The following PRDM16 variants were observed in gnomAD, a reference collection of about 807,000 sequenced individuals.
PRDM16 encodes the protein histone-lysine N-methyltransferase PRDM16.
Under a neutral mutation model 110.6 loss-of-function variants are expected in PRDM16, and 23 were observed. That is an observed-to-expected ratio of 0.21 (90% CI 0.15 to 0.29). The LOEUF is 0.29. Ranked by LOEUF, PRDM16 falls within the 10% of genes least tolerant of loss-of-function variation. The pLI is 1.00. For missense variants in PRDM16, 1,615 were observed against 1,794.3 expected (o/e 0.90, Z 1.81); for synonymous variants, 799 against 781.8 (o/e 1.02, Z -0.37).
chr1:3,356,960 G>C (rs904782880), intron 3 of PRDM16, among the ~76,000 whole-genome samples: 1 of 152,180 alleles, frequency 6.6e-6, no homozygotes, highest in African/African-American at 2.4e-5. Context: ...CACAGACCCT[G>C]GAGCAAACAC....
intron 2 of PRDM16, among the ~76,000 whole-genome samples, chr1:3,229,059 C>T (rs568355706): frequency 1.9e-4 from 29 of 152,380 alleles, no homozygotes; most frequent in African/African-American, 6.7e-4. Flanking sequence ...AATGCCTTCG[C>T]AGGCGGGAAG....
Position 3,425,376 on chromosome 1 carries a change from A to G in PRDM16, c.2940-205A>G, listed in dbSNP as rs1638571701. 1.8e-6 allele frequency: 1 copy of G among 547,182 alleles called. No individual in the cohort carries two copies. Among genetic ancestry groups the G allele is most frequent in the Non-Finnish European group, 3.2e-6 (1 of 309,656 alleles). The allele number at this position is 547,182 out of a possible 1,614,324, so 33.9% of individuals were successfully genotyped here. On this transcript the variant is annotated intron_variant, in intron 12 of 16. Coordinates refer to ENST00000270722, the MANE Select transcript of PRDM16 (RefSeq NM_022114.4). This position sits in a 1 kb window ranked among gnomAD's most constrained non-coding sequence, Gnocchi z 6.9. ...TATAGGCGTGAACCCCTGCTTCTTG[A>G]AGCCGGGGCTGTTTCTAGGGACAGC...
chr1:3,420,191 T>C (rs1010074808), intron 12 of PRDM16, among the ~76,000 whole-genome samples: 1 of 152,226 alleles, frequency 6.6e-6, no homozygotes, highest in African/African-American at 2.4e-5. Context: ...CAAGTTTGTG[T>C]TGCAAATCCT....
rs1022135847 is a variant in PRDM16 at position 3,359,000 on chromosome 1, T to C, written c.439-26152T>C. 1.3e-5 allele frequency among the ~76,000 whole-genome samples: 2 copies of C among 152,210 alleles called. No individual in the cohort carries two copies. The highest frequency in any genetic ancestry group is 4.8e-5 in the African/African-American group (2 of 41,448). ...TCATCTTGGGTCGCATTACAGCCAGTTGACTCGCGGAGTCCTCACTGGCCA... is the reference window on the plus strand; with the variant it reads ...TCATCTTGGGTCGCATTACAGCCAGCTGACTCGCGGAGTCCTCACTGGCCA... On this transcript the variant is annotated intron_variant, in intron 3 of 16. Coordinates refer to ENST00000270722, the MANE Select transcript of PRDM16 (RefSeq NM_022114.4). The surrounding 1 kb of genome is among the most constrained non-coding windows in gnomAD (Gnocchi z 4.0).
At chr1:3,145,865 T>A (rs1380084894) in intron 1 of PRDM16, among the ~76,000 whole-genome samples, 1 of 152,206 alleles carries the variant, frequency 6.6e-6, no homozygotes, top group Non-Finnish European at 1.5e-5. Flanking sequence ...TCTGACTCTG[T>A]ATCGCCCCAG....
chr1:3,304,881 A>G (rs1413156082), intron 3 of PRDM16, among the ~76,000 whole-genome samples: 2 of 152,080 alleles, frequency 1.3e-5, no homozygotes, highest in African/African-American at 4.8e-5. Flanking sequence ...GTGGCCTCCC[A>G]GGTGGACCCT....
At chr1:3,391,886 C>T (rs1263132999) in intron 4 of PRDM16, among the ~76,000 whole-genome samples, 6 of 152,250 alleles carry the variant, frequency 3.9e-5, no homozygotes, top group East Asian at 3.8e-4. Context: ...CAAACCCCAG[C>T]GCTGCAAATC....
chr1:3,117,427 G>A (rs1301399893), intron 1 of PRDM16, among the ~76,000 whole-genome samples: 1 of 152,122 alleles, frequency 6.6e-6, no homozygotes, highest in Non-Finnish European at 1.5e-5. Flanking sequence ...GAACGCAGGG[G>A]GAAGGAACAC....
chr1:3,366,567 A>T (rs1642820209), intron 3 of PRDM16, among the ~76,000 whole-genome samples: 1 of 152,186 alleles, frequency 6.6e-6, no homozygotes, highest in Admixed American at 6.5e-5. Context: ...ATCAATTCAG[A>T]AAGGGGCTAG....
intron 10 of PRDM16, among the ~76,000 whole-genome samples, chr1:3,415,699 G>T (rs1345929785): frequency 6.6e-6 from 1 of 152,268 alleles, no homozygotes; most frequent in African/African-American, 2.4e-5. Flanking sequence ...AGGGAGCCCA[G>T]CGGGGGGCAG....
chr1:3,181,834 T>TACACGCG lies in PRDM16; in HGVS notation c.38-4291_38-4290insACACGCG, dbSNP rs2100788507. On this transcript the variant is annotated intron_variant, in intron 1 of 16. Coordinates refer to ENST00000270722, the MANE Select transcript of PRDM16 (RefSeq NM_022114.4). ...GTCTTACACATGCGGTCTTACACATTCAGTCTTACACACGGTCTTACACAC... is the reference window on the plus strand; with the variant it reads ...GTCTTACACATGCGGTCTTACACATTACACGCGCAGTCTTACACACGGTCTTACACAC... Among the ~76,000 whole-genome samples, 2 of 31,960 alleles carry TACACGCG rather than the reference T, an allele frequency of 6.3e-5. 1 individual carries two copies. The highest frequency in any genetic ancestry group is 1.9e-4 in the Non-Finnish European group (2 of 10,596). 21.0% of individuals were successfully genotyped at this position (31,960 alleles called of 152,430 possible). A position where few individuals can be genotyped will look rare whatever the true frequency, so the allele number is the denominator to read the frequency against.
chr1:3,078,101 G>T (rs1641940000), intron 1 of PRDM16, among the ~76,000 whole-genome samples: 1 of 152,090 alleles, frequency 6.6e-6, no homozygotes, highest in Non-Finnish European at 1.5e-5. Context: ...CTTATCAGAG[G>T]CCTCCTAGTT....
At chr1:3,386,289 G>A (rs1297291393) in intron 4 of PRDM16, among the ~76,000 whole-genome samples, 4 of 152,194 alleles carry the variant, frequency 2.6e-5, no homozygotes, top group African/African-American at 4.8e-5. Context: ...TGAAGACCAC[G>A]TCACGGAACA....
chr1:3,224,622 C>G (rs1337360626), intron 2 of PRDM16, among the ~76,000 whole-genome samples: 3 of 152,256 alleles, frequency 2.0e-5, no homozygotes, highest in Non-Finnish European at 2.9e-5. Flanking sequence ...TCTGACTTGT[C>G]TTAAACCTGC....
At chr1:3,129,360 C>T (rs926190049) in intron 1 of PRDM16, among the ~76,000 whole-genome samples, 9 of 124,924 alleles carry the variant, frequency 7.2e-5, no homozygotes, top group Admixed American at 1.5e-4. Context: ...TGTGTGCGCA[C>T]GTGGGTGAGT....
At chr1:3,248,843 G>A (rs994141474) in intron 3 of PRDM16, among the ~76,000 whole-genome samples, 3 of 152,242 alleles carry the variant, frequency 2.0e-5, no homozygotes, top group Non-Finnish European at 2.9e-5. Context: ...CTATAGCCCG[G>A]CCCGGGCAAA....
chr1:3,114,393 C>T (rs1027170596), intron 1 of PRDM16, among the ~76,000 whole-genome samples: 13 of 142,012 alleles, frequency 9.2e-5, no homozygotes, highest in South Asian at 6.8e-4. Flanking sequence ...CAGACGCGCA[C>T]GCACGCGCAC....
Position 3,069,762 on chromosome 1 carries a change from C to G in PRDM16, c.37+466C>G, listed in dbSNP as rs979826120. On this transcript the variant is annotated intron_variant, in intron 1 of 16. Coordinates refer to ENST00000270722, the MANE Select transcript of PRDM16 (RefSeq NM_022114.4). The surrounding 1 kb of genome is among the most constrained non-coding windows in gnomAD (Gnocchi z 6.1). ...AGTCCTGGTCAAATCATATTCCGGG[C>G]TTTTGAAATAGTGGGCGCTAGAGCA... Among the ~76,000 whole-genome samples the G allele has an allele frequency of 6.6e-6, 1 of 152,074 alleles. No homozygotes were observed. Among genetic ancestry groups the G allele is most frequent in the Admixed American group, 6.5e-5 (1 of 15,286 alleles).
intron 1 of PRDM16, among the ~76,000 whole-genome samples, chr1:3,150,506 C>T (rs964786900): frequency 5.9e-5 from 9 of 152,042 alleles, no homozygotes; most frequent in African/African-American, 1.7e-4. Context: ...TGCAGTGAGC[C>T]GAAATTGCGC....
Sources: allele counts gnomAD v4.1 joint callset (sites outside exome capture counted in the v4.1 genomes callset), GRCh38; gene constraint gnomAD v4.1.1; non-coding constraint Gnocchi (gnomAD v3.1); transcripts MANE v1.5; gene names NCBI Gene and HGNC (gene_info 2026-07-23, HGNC 2026-07-21).